The following AGO2 variants were observed in gnomAD, a reference collection of about 807,000 sequenced individuals.
AGO2 encodes argonaute RISC catalytic component 2.
AGO2 carries 5 observed loss-of-function variants against 102.3 expected under a neutral mutation model. The ratio of observed to expected loss-of-function variants is 0.05; its 90% CI spans 0.03 to 0.10. AGO2 has a LOEUF of 0.10. Ranked by LOEUF, AGO2 falls within the 10% of genes least tolerant of loss-of-function variation. The pLI is 1.00. For missense variants in AGO2, 541 were observed against 1,183.7 expected (o/e 0.46, Z 7.97); for synonymous variants, 449 against 473.1 (o/e 0.95, Z 0.66).
At chr8:140,600,849 G>A (rs1277326268) in intron 1 of AGO2, among the ~76,000 whole-genome samples, 2 of 150,702 alleles carry the variant, frequency 1.3e-5, no homozygotes. Context: ...GACCCCGTAG[G>A]ATTGACGGGG....
At chr8:140,642,213 CAG>C in the AGO2 span, among the ~76,000 whole-genome samples, 2 of 151,504 alleles carry the variant, frequency 1.3e-5, no homozygotes, top group East Asian at 1.9e-4. Flanking sequence ...GCTGGGGAGA[CAG>C]GGAGCGGCAC....
chr8:140,542,988 T>G (rs1165173801), intron 14 of AGO2, among the ~76,000 whole-genome samples: 1 of 151,964 alleles, frequency 6.6e-6, no homozygotes, highest in Non-Finnish European at 1.5e-5. Context: ...AATACAAAAT[T>G]TAGCCAGCCA....
At chr8:140,564,938 A>C (rs995184169) in intron 3 of AGO2, among the ~76,000 whole-genome samples, 3 of 151,718 alleles carry the variant, frequency 2.0e-5, no homozygotes, top group Non-Finnish European at 4.4e-5. Context: ...GTTCGAGACC[A>C]CCCCGGCCCA....
chr8:140,623,966 G>A (rs1468585299), intron 1 of AGO2, among the ~76,000 whole-genome samples: 7 of 151,636 alleles, frequency 4.6e-5, no homozygotes, highest in East Asian at 1.9e-4. Flanking sequence ...AGGGAACCAA[G>A]ATGATCCCGG....
At chr8:140,619,716 C>T (rs2074191893) in intron 1 of AGO2, among the ~76,000 whole-genome samples, 1 of 152,234 alleles carries the variant, frequency 6.6e-6, no homozygotes, top group Non-Finnish European at 1.5e-5. Context: ...GCCGGCAACT[C>T]TCCACACTCT....
chr8:140,585,599 G>A (rs570546266), intron 1 of AGO2, among the ~76,000 whole-genome samples: 1 of 152,284 alleles, frequency 6.6e-6, no homozygotes, highest in South Asian at 2.1e-4. Flanking sequence ...CGGGAGACAA[G>A]GCAAAGAGCC....
chr8:140,582,346 AACTTT>A (rs2073570161), intron 2 of AGO2, among the ~76,000 whole-genome samples: 1 of 152,242 alleles, frequency 6.6e-6, no homozygotes, highest in South Asian at 2.1e-4. Context: ...CAAAATCTGA[AACTTT>A]ATGAGCACCA....
chr8:140,586,746 C>A (rs1417040232), intron 1 of AGO2, among the ~76,000 whole-genome samples: 2 of 152,206 alleles, frequency 1.3e-5, no homozygotes, highest in Admixed American at 1.3e-4. Flanking sequence ...CGGAGTAGAA[C>A]AAAGCACTTG....
intron 2 of AGO2, among the ~76,000 whole-genome samples, chr8:140,583,566 A>C (rs1457782321): frequency 6.6e-6 from 1 of 152,210 alleles, no homozygotes; most frequent in Non-Finnish European, 1.5e-5. Context: ...CACCATGGTA[A>C]GGATGTGTAC....
At position 140,588,848 on chromosome 8, in the gene AGO2, C is replaced by G. The variant is rs62529971; in HGVS notation, c.23-3537G>C. Among the ~76,000 whole-genome samples, 508 of 152,292 alleles carry G rather than the reference C, an allele frequency of 3.3e-3. 1 individual carries two copies. The highest frequency in any genetic ancestry group is 6.8e-3 in the Middle Eastern group (2 of 294). On this transcript the variant is annotated intron_variant, in intron 1 of 18. Transcript: ENST00000220592. ...GAGAGCGAGTTCGGAGGGCAAGGCCCGGAACCCAGCGCAGCGTCATGTACA... is the reference window on the plus strand; with the variant it reads ...GAGAGCGAGTTCGGAGGGCAAGGCCGGGAACCCAGCGCAGCGTCATGTACA...
Position 140,557,347 on chromosome 8 carries a change from G to C in AGO2, c.879-111C>G. 2 of 1,327,304 alleles carry C rather than the reference G, an allele frequency of 1.5e-6. No homozygotes were observed. The highest frequency in any genetic ancestry group is 2.5e-5 in the East Asian group (1 of 40,728). The allele number at this position is 1,327,304 out of a possible 1,614,324, so 82.2% of individuals were successfully genotyped here. A position where few individuals can be genotyped will look rare whatever the true frequency, so the allele number is the denominator to read the frequency against. ...GTGACGTGTGAGGAGCAAACATTCA[G>C]AGCACTTCCGGGAGTGAAAACCATG... On this transcript the variant is annotated intron_variant, in intron 7 of 18. Transcript: ENST00000220592. The surrounding 1 kb of genome is among the most constrained non-coding windows in gnomAD (Gnocchi z 5.9).
chr8:140,582,388 T>C (rs1474316865), intron 2 of AGO2, among the ~76,000 whole-genome samples: 1 of 152,192 alleles, frequency 6.6e-6, no homozygotes, highest in Non-Finnish European at 1.5e-5. Flanking sequence ...AAATGCTCAT[T>C]GGAGCATTTT....
chr8:140,543,605 G>A (rs529654399), intron 14 of AGO2, among the ~76,000 whole-genome samples: 173 of 152,216 alleles, frequency 1.1e-3, no homozygotes, highest in Non-Finnish European at 1.7e-3. Context: ...ACAGGCGCAC[G>A]CCACCACCCC....
At chr8:140,532,744 C>T (rs2072620022) in intron 17 of AGO2, 129 bp from the exon 18 acceptor site, 1 of 1,087,292 alleles carries the variant, frequency 9.2e-7, no homozygotes, top group Non-Finnish European at 1.3e-6. Context: ...CGCCTGTAAT[C>T]CCAGCACTTT....
At chr8:140,611,237 G>T (rs1464975111) in intron 1 of AGO2, among the ~76,000 whole-genome samples, 8 of 152,212 alleles carry the variant, frequency 5.3e-5, no homozygotes, top group Non-Finnish European at 1.2e-4. Context: ...CACAGCACGT[G>T]CACAGCACGG....
intron 2 of AGO2, among the ~76,000 whole-genome samples, chr8:140,582,694 C>G (rs1161636814): frequency 6.6e-6 from 1 of 152,136 alleles, no homozygotes; most frequent in Non-Finnish European, 1.5e-5. Flanking sequence ...AAAATAAAAA[C>G]AGGAGAATAT....
At chr8:140,611,654 T>C (rs1028826570) in intron 1 of AGO2, among the ~76,000 whole-genome samples, 6 of 152,072 alleles carry the variant, frequency 3.9e-5, no homozygotes, top group Non-Finnish European at 7.4e-5. Context: ...GCCTTTTGAA[T>C]GTTCTGTATG....
At position 140,520,622 on chromosome 8, in the gene AGO2, C is replaced by A. The variant is rs966179577; in HGVS notation, c.*11422G>T. 2 of 151,792 alleles carry A rather than the reference C, an allele frequency of 1.3e-5. No homozygotes were observed. The highest frequency in any genetic ancestry group is 4.2e-4 in the South Asian group (2 of 4,808). 9.4% of individuals were successfully genotyped at this position (151,792 alleles called of 1,614,324 possible). ...GGGCTCTCTGGAGAGACCAGAGGCT[C>A]GGGCTGCCTGATTTCAGCAACACAT... On this transcript the variant is annotated 3_prime_UTR_variant, in exon 19 of 19. Transcript: ENST00000220592.
At chr8:140,587,577 C>T (rs888558842) in intron 1 of AGO2, among the ~76,000 whole-genome samples, 1 of 152,210 alleles carries the variant, frequency 6.6e-6, no homozygotes, top group Non-Finnish European at 1.5e-5. Context: ...GGAGACAGAG[C>T]AGAAGTGTGC....
Sources: allele counts gnomAD v4.1 joint callset (sites outside exome capture counted in the v4.1 genomes callset), GRCh38; gene constraint gnomAD v4.1.1; non-coding constraint Gnocchi (gnomAD v3.1); transcripts MANE v1.5; gene names NCBI Gene and HGNC (gene_info 2026-07-23, HGNC 2026-07-21).